Variants in DNAH12 observed in about 807,000 individuals in gnomAD.
DNAH12 encodes the protein axonemal beta dynein heavy chain 12.
DNAH12 carries 285 observed loss-of-function variants against 371.5 expected under a neutral mutation model. The ratio of observed to expected loss-of-function variants is 0.77; its 90% CI spans 0.70 to 0.85. DNAH12 has a LOEUF of 0.85. Ranked by LOEUF, DNAH12 falls within the 40% of genes least tolerant of loss-of-function variation. DNAH12 has a pLI of 0.00. For synonymous variants in DNAH12, 1,200 were observed against 1,213.0 expected (o/e 0.99, Z 0.22); for missense variants, 3,611 against 3,689.4 (o/e 0.98, Z 0.55).
chr3:57,489,132 G>A (rs2067033172), intron 12 of DNAH12, among the ~76,000 whole-genome samples: 1 of 152,098 alleles, frequency 6.6e-6, no homozygotes, highest in Admixed American at 6.5e-5. Context: ...AGGTATTACT[G>A]TCTCCATTTT....
At chr3:57,433,952 T>G in intron 30 of DNAH12, 124 bp from the exon 31 acceptor site, 1 of 823,508 alleles carries the variant, frequency 1.2e-6, no homozygotes, top group Non-Finnish European at 1.7e-6. Context: ...TATGAATTTT[T>G]CTCAGACATG....
chr3:57,325,408 G>C (rs1399912134), intron 62 of DNAH12, among the ~76,000 whole-genome samples: 1 of 152,166 alleles, frequency 6.6e-6, no homozygotes, highest in Admixed American at 6.5e-5. Flanking sequence ...CAGCATTCGT[G>C]GTTCACGAAA....
chr3:57,323,660 T>C, intron 62 of DNAH12, 41 bp from the exon 63 acceptor site: 1 of 1,472,730 alleles, frequency 6.8e-7, no homozygotes, highest in Non-Finnish European at 9.0e-7. Context: ...GCAACTTTTA[T>C]TTCACATAAT....
intron 68 of DNAH12, 135 bp downstream of exon 68, chr3:57,309,531 G>A (rs754979494): frequency 8.1e-5 from 71 of 871,734 alleles, no homozygotes; most frequent in East Asian, 5.8e-5. Flanking sequence ...ACCATTTAAC[G>A]GATTTGGAGG....
intron 58 of DNAH12, 77 bp from the exon 59 acceptor site, chr3:57,357,425 T>C (rs987869360): frequency 2.6e-5 from 4 of 152,134 alleles, no homozygotes; most frequent in East Asian, 1.9e-4. Flanking sequence ...ATGAAGTATA[T>C]ATATTTTAAA....
intron 13 of DNAH12, among the ~76,000 whole-genome samples, chr3:57,481,528 T>C (rs1315752718): frequency 6.6e-6 from 1 of 152,070 alleles, no homozygotes; most frequent in Non-Finnish European, 1.5e-5. Flanking sequence ...GCCATCCCCA[T>C]CAAGCTACCA....
chr3:57,485,143 A>T (rs1292797373), intron 12 of DNAH12, among the ~76,000 whole-genome samples: 1 of 152,222 alleles, frequency 6.6e-6, no homozygotes. Flanking sequence ...AAGAACTAAA[A>T]ATAGAACTAC....
rs193149003 is a variant in DNAH12 at position 57,526,510 on chromosome 3, T to C, written c.171-2626A>G. 6.3e-3 allele frequency among the ~76,000 whole-genome samples: 958 copies of C among 151,516 alleles called. 33 individuals carry two copies. Among genetic ancestry groups the C allele is most frequent in the Admixed American group, 0.051 (769 of 15,214 alleles). ...AGCCCATTCATCTGTTTATGGACAC[T>C]GAGGTTGTTTCCAGATCTTTTTTTT... On this transcript the variant is annotated intron_variant, in intron 2 of 73. Transcript: ENST00000495027.
intron 1 of DNAH12, among the ~76,000 whole-genome samples, chr3:57,543,879 T>A (rs377160879): frequency 5.9e-4 from 89 of 151,816 alleles, no homozygotes; most frequent in African/African-American, 2.1e-3. Context: ...AAACCCCATC[T>A]CTACTAAAAA....
In DNAH12 at chr3:57,503,679, G is replaced by A. The variant is rs1453633094; in HGVS notation, c.1086+337C>T. 3.9e-5 allele frequency among the ~76,000 whole-genome samples: 6 copies of A among 152,186 alleles called. No homozygotes were observed. The East Asian group carries it at 1.2e-3, about 29-fold the overall frequency. The stretch of plus-strand genomic sequence containing the variant: ...TGGGATTACAGGCGTGAGGCACTGC[G>A]CCCGGCTGACAAATATTTATTGACA... On this transcript the variant is annotated intron_variant, in intron 9 of 73. Transcript: ENST00000495027.
chr3:57,324,132 G>T (rs767566155), intron 62 of DNAH12, among the ~76,000 whole-genome samples: 1 of 152,148 alleles, frequency 6.6e-6, no homozygotes, highest in Non-Finnish European at 1.5e-5. Context: ...TTTTGCTGAT[G>T]AGGACCACAC....
chr3:57,497,527 A>C (rs2067363850), intron 11 of DNAH12, among the ~76,000 whole-genome samples: 1 of 152,330 alleles, frequency 6.6e-6, no homozygotes, highest in East Asian at 1.9e-4. Context: ...GGGCAGCTGG[A>C]TGTCCACATG....
chr3:57,454,715 A>G, intron 23 of DNAH12, 60 bp downstream of exon 23: 2 of 1,532,666 alleles, frequency 1.3e-6, no homozygotes, highest in South Asian at 2.5e-5. Context: ...AAAAATAATA[A>G]AATTAAATTT....
chr3:57,484,164 G>A (rs1456584104), intron 12 of DNAH12, among the ~76,000 whole-genome samples: 2 of 151,778 alleles, frequency 1.3e-5, no homozygotes, highest in Admixed American at 6.6e-5. Flanking sequence ...CTAGCACATA[G>A]TACACTCTAT....
At position 57,447,265 on chromosome 3, in the gene DNAH12, C is replaced by G. The variant is rs1341090172; in HGVS notation, c.3787-576G>C. Among the ~76,000 whole-genome samples the G allele has an allele frequency of 8.5e-5, 13 of 152,144 alleles. No homozygotes were observed. The East Asian group carries it at 2.5e-3, about 29-fold the overall frequency. On this transcript the variant is annotated intron_variant, in intron 25 of 73. Coordinates refer to ENST00000495027, the MANE Select transcript of DNAH12 (RefSeq NM_001366028.2). Reference sequence around the variant, plus strand: ...TGTATTATACTTAATTACGTACATTCTTTTTTCTCATCAATTAGTCTTTAA... The same window carrying G: ...TGTATTATACTTAATTACGTACATTGTTTTTTCTCATCAATTAGTCTTTAA...
chr3:57,324,766 G>A (rs1347771162), intron 62 of DNAH12, among the ~76,000 whole-genome samples: 1 of 152,218 alleles, frequency 6.6e-6, no homozygotes, highest in African/African-American at 2.4e-5. Flanking sequence ...AGCAGGGCGA[G>A]GCATTGCCTC....
intron 32 of DNAH12, among the ~76,000 whole-genome samples, chr3:57,432,405 C>T (rs1307544310): frequency 4.0e-5 from 6 of 150,692 alleles, no homozygotes; most frequent in Non-Finnish European, 5.9e-5. Flanking sequence ...GTCTCGAACT[C>T]CTGACCTCAA....
chr3:57,366,475 G>A (rs2063054772), intron 57 of DNAH12, among the ~76,000 whole-genome samples: 1 of 152,072 alleles, frequency 6.6e-6, no homozygotes, highest in Non-Finnish European at 1.5e-5. Flanking sequence ...CCCTTTCGTG[G>A]AGTCTGGATC....
At chr3:57,329,869 G>A (rs1300291288) in intron 62 of DNAH12, among the ~76,000 whole-genome samples, 1 of 151,896 alleles carries the variant, frequency 6.6e-6, no homozygotes, top group Non-Finnish European at 1.5e-5. Flanking sequence ...TTTACAAGAA[G>A]AAAACAAACA....
Sources: allele counts gnomAD v4.1 joint callset (sites outside exome capture counted in the v4.1 genomes callset), GRCh38; gene constraint gnomAD v4.1.1; transcripts MANE v1.5; gene names NCBI Gene and HGNC (gene_info 2026-07-23, HGNC 2026-07-21).